CFAP54: variants seen among roughly 807,000 people sequenced by gnomAD.
The protein encoded by CFAP54 is cilia and flagella associated protein 54, also known as cilia- and flagella-associated protein 54.
CFAP54 carries 290 observed loss-of-function variants against 370.4 expected under a neutral mutation model. The ratio of observed to expected loss-of-function variants is 0.78; its 90% CI spans 0.71 to 0.86. The LOEUF (loss-of-function observed/expected upper bound fraction) is 0.86, where lower values mean the gene tolerates loss of function less well. Ranked by LOEUF, CFAP54 falls within the 40% of genes least tolerant of loss-of-function variation. The probability of loss-of-function intolerance (pLI) is 0.00; values close to 1 mark genes in which losing one functional copy is unlikely to be tolerated. For synonymous variants in CFAP54, 1,206 were observed against 1,236.5 expected (o/e 0.98, Z 0.52); for missense variants, 3,399 against 3,528.7 (o/e 0.96, Z 0.93).
At chr12:96,615,754 A>T (rs890503715) in intron 26 of CFAP54, among the ~76,000 whole-genome samples, 1 of 152,258 alleles carries the variant, frequency 6.6e-6, no homozygotes, top group Non-Finnish European at 1.5e-5. Context: ...CAAAAGACAC[A>T]TGAAAAAATG....
At position 96,861,522 on chromosome 12, in the gene CFAP54, C is replaced by T. The variant is rs569196457; in HGVS notation, c.*14+570C>T. Among the ~76,000 whole-genome samples the T allele has an allele frequency of 9.8e-5, 15 of 152,320 alleles. No homozygotes were observed. In the East Asian group the frequency reaches 2.9e-3, roughly 29 times the overall value. Reference sequence around the variant, plus strand: ...AAATGGCTTGGGAAAAAATCTGTAGCAAATGAGACCTTCCATATTTTATAC... The same window carrying T: ...AAATGGCTTGGGAAAAAATCTGTAGTAAATGAGACCTTCCATATTTTATAC... On this transcript the variant is annotated intron_variant, in intron 67 of 67. Coordinates refer to ENST00000524981, the MANE Select transcript of CFAP54 (RefSeq NM_001306084.2).
chr12:96,674,072 A>G (rs1957176529), intron 39 of CFAP54, among the ~76,000 whole-genome samples: 1 of 151,820 alleles, frequency 6.6e-6, no homozygotes, highest in Admixed American at 6.6e-5. Flanking sequence ...GCCTGGGATC[A>G]CTCTCTTGAG....
intron 50 of CFAP54, among the ~76,000 whole-genome samples, chr12:96,735,726 A>G (rs555175543): frequency 9.2e-5 from 14 of 152,362 alleles, no homozygotes; most frequent in Admixed American, 7.8e-4. Flanking sequence ...GAAATTCTTC[A>G]TCCTATATGT....
At chr12:96,652,114 G>T (rs1483872248) in intron 36 of CFAP54, among the ~76,000 whole-genome samples, 1 of 152,124 alleles carries the variant, frequency 6.6e-6, no homozygotes, top group African/African-American at 2.4e-5. Context: ...GCCAGATAAA[G>T]AAATAGATTC....
intron 5 of CFAP54, among the ~76,000 whole-genome samples, chr12:96,516,945 C>T (rs1955242776): frequency 6.6e-6 from 1 of 151,484 alleles, no homozygotes; most frequent in Non-Finnish European, 1.5e-5. Context: ...TCAACACCTG[C>T]AACATGCTCT....
chr12:96,791,994 C>A (rs369659228), intron 62 of CFAP54, among the ~76,000 whole-genome samples: 1 of 151,910 alleles, frequency 6.6e-6, no homozygotes, highest in Non-Finnish European at 1.5e-5. Flanking sequence ...GGATTACAGG[C>A]GCACGCCACC....
chr12:96,613,422 G>T (rs547070329), intron 26 of CFAP54, among the ~76,000 whole-genome samples: 14 of 152,158 alleles, frequency 9.2e-5, no homozygotes, highest in Non-Finnish European at 1.9e-4. Flanking sequence ...AAGCAGGAAA[G>T]ATCTAAAATT....
chr12:96,767,224 G>T (rs190262853), intron 60 of CFAP54, among the ~76,000 whole-genome samples: 27 of 152,130 alleles, frequency 1.8e-4, no homozygotes, highest in African/African-American at 6.3e-4. Flanking sequence ...TGACAAATTC[G>T]ATGGCCAATG....
In CFAP54 at chr12:96,712,100, TA is replaced by T. The variant is rs1202115823; in HGVS notation, c.6724+3298del. The stretch of plus-strand genomic sequence containing the variant: ...ATTTGATAGCTTTAGGTTTTAGTTT[TA>T]TTTTTTTGTTAGTTTGATATTTATA... On this transcript the variant is annotated intron_variant, in intron 48 of 67. Coordinates refer to ENST00000524981, the MANE Select transcript of CFAP54 (RefSeq NM_001306084.2). Among the ~76,000 whole-genome samples, 7 of 152,316 alleles carry T rather than the reference TA, an allele frequency of 4.6e-5. No individual in the cohort carries two copies. The East Asian group carries it at 9.6e-4, about 21-fold the overall frequency.
At chr12:96,638,809 C>G (rs1956691490) in intron 32 of CFAP54, among the ~76,000 whole-genome samples, 1 of 152,126 alleles carries the variant, frequency 6.6e-6, no homozygotes, top group Non-Finnish European at 1.5e-5. Flanking sequence ...CTAGGCCCAT[C>G]AATACAGTGC....
intron 26 of CFAP54, among the ~76,000 whole-genome samples, chr12:96,601,506 A>G (rs1167690171): frequency 6.6e-6 from 1 of 152,048 alleles, no homozygotes; most frequent in East Asian, 1.9e-4. Flanking sequence ...TTTTCTATTG[A>G]TTGGAATAGT....
At chr12:96,495,993 G>A (rs1482426883) in intron 1 of CFAP54, among the ~76,000 whole-genome samples, 2 of 152,084 alleles carry the variant, frequency 1.3e-5, no homozygotes, top group Admixed American at 6.6e-5. Flanking sequence ...TTCAAATACC[G>A]TGGCATTTCG....
At chr12:96,652,698 C>CA (rs1658860773) in intron 36 of CFAP54, among the ~76,000 whole-genome samples, 1 of 151,988 alleles carries the variant, frequency 6.6e-6, no homozygotes, top group African/African-American at 2.4e-5. Context: ...AAAGGGTAGA[C>CA]ATTGTCTGAC....
At position 96,533,983 on chromosome 12, in the gene CFAP54, G is replaced by A. The variant is rs1955473103; in HGVS notation, c.1539+10G>A. The A allele has an allele frequency of 4.0e-6, 6 of 1,496,538 alleles. No individual in the cohort carries two copies. Among genetic ancestry groups the A allele is most frequent in the Non-Finnish European group, 5.3e-6 (6 of 1,132,418 alleles). The allele number at this position is 1,496,538 out of a possible 1,614,324, so 92.7% of individuals were successfully genotyped here. ...TATTTATTTTCTCCAGGTAATATAT[G>A]CAAAATTATCCTCCTGGTTTTTTTT... On this transcript the variant is annotated intron_variant, in intron 10 of 67. Coordinates refer to ENST00000524981, the MANE Select transcript of CFAP54 (RefSeq NM_001306084.2).
intron 60 of CFAP54, among the ~76,000 whole-genome samples, chr12:96,777,386 G>T (rs1287053040): frequency 6.9e-6 from 1 of 145,888 alleles, no homozygotes; most frequent in Non-Finnish European, 1.5e-5. Flanking sequence ...TGCTCTTGTT[G>T]CCCAGGCTGC....
At chr12:96,805,070 A>T (rs1008917176) in intron 63 of CFAP54, among the ~76,000 whole-genome samples, 24 of 152,090 alleles carry the variant, frequency 1.6e-4, no homozygotes, top group African/African-American at 5.1e-4. Flanking sequence ...AGACCCATAC[A>T]TCTTACCAGA....
In CFAP54 at chr12:96,594,384, C is replaced by A; in HGVS notation, c.3454C>A (p.Gln1152Lys). 1 of 1,534,538 alleles carries A rather than the reference C, an allele frequency of 6.5e-7. No individual in the cohort carries two copies. The highest frequency in any genetic ancestry group is 1.4e-5 in the African/African-American group (1 of 73,122). ...DSSYALQAVT[Q>K]CYGLLAPIIY... is the part of the protein sequence containing the mutation. ...CAGCTATGCCCTTCAAGCTGTGACTCAATGTTATGGACTTCTTGCTCCCAT... is the reference window on the plus strand; with the variant it reads ...CAGCTATGCCCTTCAAGCTGTGACTAAATGTTATGGACTTCTTGCTCCCAT... The change falls in exon 25 of 68, where the codon CAA (glutamine) becomes AAA (lysine). Residue 1152 changes from glutamine to lysine, a missense_variant. Physicochemically the swap from Gln to Lys is moderately conservative, Grantham distance 53 (BLOSUM62 1). This residue lies in a region of CFAP54 where 2,796 missense variants were observed against 2,869.7 expected (regional missense o/e 0.97). Coordinates refer to ENST00000524981, the MANE Select transcript of CFAP54 (RefSeq NM_001306084.2).
At chr12:96,619,766 C>T (rs149379971) in intron 26 of CFAP54, among the ~76,000 whole-genome samples, 143 of 152,276 alleles carry the variant, frequency 9.4e-4, no homozygotes, top group African/African-American at 3.2e-3. Context: ...AGAGCAGACT[C>T]GTTTCTGTTT....
intron 50 of CFAP54, among the ~76,000 whole-genome samples, chr12:96,736,682 TAAAG>T (rs1240630419): frequency 6.6e-6 from 1 of 152,064 alleles, no homozygotes; most frequent in Non-Finnish European, 1.5e-5. Context: ...TAAGAAAAGA[TAAAG>T]AAACAAAGAT....
Sources: allele counts gnomAD v4.1 joint callset (sites outside exome capture counted in the v4.1 genomes callset), GRCh38; gene constraint gnomAD v4.1.1; regional missense constraint gnomAD v4.1.1; transcripts MANE v1.5; gene names NCBI Gene and HGNC (gene_info 2026-07-23, HGNC 2026-07-21).